INTS7: variants seen among roughly 807,000 people sequenced by gnomAD.
INTS7 encodes the protein chromosome 1 open reading frame 73.
In INTS7, 46 loss-of-function variants were observed where a neutral mutation model predicts 109.2. The observed-to-expected ratio is 0.42, with a 90% CI of 0.33 to 0.54. The LOEUF (loss-of-function observed/expected upper bound fraction) is 0.54, where lower values mean the gene tolerates loss of function less well. Among genes scored for constraint, INTS7 ranks in the 20% least tolerant of loss-of-function variants. The pLI is 0.07. For synonymous variants in INTS7, 412 were observed against 402.9 expected (o/e 1.02, Z -0.27); for missense variants, 929 against 1,132.4 (o/e 0.82, Z 2.58).
intron 16 of INTS7, among the ~76,000 whole-genome samples, chr1:211,962,877 T>C (rs1663700626): frequency 6.6e-6 from 1 of 151,870 alleles, no homozygotes; most frequent in South Asian, 2.1e-4. Flanking sequence ...ACAGCTAGTG[T>C]TAAGAAGGAA....
chr1:212,021,086 A>G lies in INTS7; in HGVS notation c.221T>C (p.Val74Ala). The change falls in exon 2 of 20, where the codon GTT becomes GCT. Residue 74 changes from valine to alanine, a missense_variant. By Grantham distance (64) the Val-to-Ala change is moderately conservative. Transcript: ENST00000366994. Reference sequence around the variant, plus strand: ...TCGAGAATTTAAAAAGACTTACCCAACTCTGAAAACATCAGCTAACTTTAG... The same window carrying G: ...TCGAGAATTTAAAAAGACTTACCCAGCTCTGAAAACATCAGCTAACTTTAG... The part of the protein sequence containing the change: ...AFLKLADVFR[V>A]GNNFLRLCVL... The G allele has an allele frequency of 6.2e-7, 1 of 1,603,480 alleles. No homozygotes were observed. Among genetic ancestry groups the G allele is most frequent in the Non-Finnish European group, 8.5e-7 (1 of 1,176,162 alleles).
chr1:211,952,679 C>T lies in INTS7; in HGVS notation c.2206G>A (p.Gly736Arg). The T allele has an allele frequency of 6.2e-7, 1 of 1,612,582 alleles. No individual in the cohort carries two copies. The highest frequency in any genetic ancestry group is 8.5e-7 in the Non-Finnish European group (1 of 1,179,218). Reference sequence around the variant, plus strand: ...TATTCACTATCAGCATGGGCTGTTCCAGTAGATCCATATTCCTGGAAACTG... The same window carrying T: ...TATTCACTATCAGCATGGGCTGTTCTAGTAGATCCATATTCCTGGAAACTG... ...SASFQEYGSTGTAHADSEYER... is the reference protein window; with the variant it reads ...SASFQEYGSTRTAHADSEYER... Residue 736 changes from glycine (G) to arginine (R), a missense_variant, in exon 17 of 20, where the codon GGA becomes AGA. Around this residue, in one of 2 missense-constraint regions of INTS7, gnomAD observed 787 missense variants for 901.1 expected, o/e 0.87. Coordinates refer to ENST00000366994, the MANE Select transcript of INTS7 (RefSeq NM_015434.4).
At chr1:211,972,079 C>G in intron 13 of INTS7, among the ~76,000 whole-genome samples, 1 of 151,822 alleles carries the variant, frequency 6.6e-6, no homozygotes, top group Non-Finnish European at 1.5e-5. Flanking sequence ...CTTTTTTTCT[C>G]TTTAGGAGAC....
At chr1:211,992,693 A>C (rs891274740) in intron 7 of INTS7, among the ~76,000 whole-genome samples, 1 of 152,166 alleles carries the variant, frequency 6.6e-6, no homozygotes, top group African/African-American at 2.4e-5. Context: ...AAAAATAATA[A>C]TAATAAAATT....
At chr1:212,011,442 G>A (rs1666161090) in intron 4 of INTS7, 21 bp from the exon 5 acceptor site, 5 of 1,518,178 alleles carry the variant, frequency 3.3e-6, no homozygotes, top group Non-Finnish European at 4.5e-6. Context: ...AGAGAACAGA[G>A]AACAGAAAAA....
intron 1 of INTS7, among the ~76,000 whole-genome samples, chr1:212,028,271 G>A (rs773651594): frequency 2.6e-5 from 4 of 152,202 alleles, no homozygotes; most frequent in Non-Finnish European, 4.4e-5. Context: ...GTTTTTAAAG[G>A]TTTCGAACAC....
chr1:212,031,870 C>T (rs1368201020), intron 1 of INTS7, among the ~76,000 whole-genome samples: 2 of 152,192 alleles, frequency 1.3e-5, no homozygotes, highest in Non-Finnish European at 2.9e-5. Context: ...GAATAAAGTA[C>T]AACAGTTATA....
At chr1:211,966,008 ATT>A (rs1663860852) in intron 16 of INTS7, 1 of 154,878 alleles carries the variant, frequency 6.5e-6, no homozygotes, top group African/African-American at 2.4e-5. Flanking sequence ...AAAAGGAATC[ATT>A]CTTTAATGAA....
intron 8 of INTS7, among the ~76,000 whole-genome samples, chr1:211,985,754 A>G (rs1202508687): frequency 6.6e-6 from 1 of 152,204 alleles, no homozygotes; most frequent in Non-Finnish European, 1.5e-5. Flanking sequence ...CTCAGTTTCA[A>G]TACTTATAAA....
At chr1:211,993,986 C>T (rs1665258779) in intron 7 of INTS7, among the ~76,000 whole-genome samples, 1 of 151,784 alleles carries the variant, frequency 6.6e-6, no homozygotes, top group Non-Finnish European at 1.5e-5. Context: ...ACCAACAAAC[C>T]AGAAAAAGTA....
At chr1:212,031,025 C>T (rs776194174) in intron 1 of INTS7, 7 of 152,312 alleles carry the variant, frequency 4.6e-5, no homozygotes, top group Non-Finnish European at 7.4e-5. Context: ...ATTAAGCACA[C>T]CATCAAGGTT....
chr1:211,995,225 G>A (rs17018332), intron 7 of INTS7, among the ~76,000 whole-genome samples: 3,968 of 152,200 alleles, frequency 0.026, 55 homozygotes, highest in African/African-American at 0.046. Flanking sequence ...AAAGAAAAGC[G>A]ATGGGACAAA....
chr1:211,998,410 T>C lies in INTS7; in HGVS notation c.879+8229A>G, dbSNP rs573837786. ...AGAATAGAATTTGGAAATAAATCCA[T>C]ACAGATATTGTCAACTGATTTTCAA... On this transcript the variant is annotated intron_variant, in intron 7 of 19. Transcript: ENST00000366994. Among the ~76,000 whole-genome samples the C allele has an allele frequency of 7.2e-5, 11 of 152,332 alleles. No homozygotes were observed. The East Asian group carries it at 1.3e-3, about 19-fold the overall frequency.
At chr1:211,985,292 T>C (rs1365228298) in intron 8 of INTS7, among the ~76,000 whole-genome samples, 1 of 152,224 alleles carries the variant, frequency 6.6e-6, no homozygotes, top group Non-Finnish European at 1.5e-5. Context: ...ACATCTTATA[T>C]ATTTGAGCCA....
intron 7 of INTS7, among the ~76,000 whole-genome samples, chr1:211,996,536 C>T (rs144828779): frequency 2.2e-4 from 34 of 152,090 alleles, no homozygotes; most frequent in African/African-American, 8.0e-4. Flanking sequence ...AAAGCAACAA[C>T]AAAAATTCCA....
intron 13 of INTS7, among the ~76,000 whole-genome samples, chr1:211,969,555 T>TC (rs930143817): frequency 5.2e-5 from 7 of 133,874 alleles, no homozygotes; most frequent in African/African-American, 1.4e-4. Flanking sequence ...TCTTTTCTTT[T>TC]TTTTTTTTTT....
Position 211,966,466 on chromosome 1 carries a change from G to C in INTS7, c.2147C>G (p.Ala716Gly), listed in dbSNP as rs1219833580. The C allele has an allele frequency of 1.9e-6, 3 of 1,609,150 alleles. No homozygotes were observed. Among genetic ancestry groups the C allele is most frequent in the East Asian group, 4.5e-5 (2 of 44,804 alleles). Reference protein sequence around the residue: ...QQQSCLLISHAIEALILDPES... With the variant: ...QQQSCLLISHGIEALILDPES... The stretch of plus-strand genomic sequence containing the variant: ...TGGATCCAAAATCAGGGCTTCTATT[G>C]CATGAGATATCAGTAAACAGCTCTG... The change falls in exon 16 of 20, where the codon GCA becomes GGA. Residue 716 changes from alanine (A) to glycine (G), a missense_variant. Physicochemically the swap from Ala to Gly is moderately conservative, Grantham distance 60 (BLOSUM62 0). Coordinates refer to ENST00000366994, the MANE Select transcript of INTS7 (RefSeq NM_015434.4).
chr1:211,991,773 T>G (rs896367691), intron 7 of INTS7, among the ~76,000 whole-genome samples: 1 of 152,102 alleles, frequency 6.6e-6, no homozygotes, highest in Non-Finnish European at 1.5e-5. Flanking sequence ...AATGACAGAA[T>G]AAATGGTAGA....
At chr1:211,947,695 G>A (rs1428195246) in intron 17 of INTS7, among the ~76,000 whole-genome samples, 1 of 152,124 alleles carries the variant, frequency 6.6e-6, no homozygotes, top group Non-Finnish European at 1.5e-5. Context: ...GCTGAGTCCT[G>A]TAAACAGTTG....
Sources: allele counts gnomAD v4.1 joint callset (sites outside exome capture counted in the v4.1 genomes callset), GRCh38; gene constraint gnomAD v4.1.1; regional missense constraint gnomAD v4.1.1; transcripts MANE v1.5; gene names NCBI Gene and HGNC (gene_info 2026-07-23, HGNC 2026-07-21).